Variants in PLG observed in about 807,000 individuals in gnomAD.
PLG encodes plasmin.
PLG carries 41 observed loss-of-function variants against 104.4 expected under a neutral mutation model. The ratio of observed to expected loss-of-function variants is 0.39; its 90% CI spans 0.31 to 0.51. PLG has a LOEUF of 0.51. PLG is among the 20% of genes least tolerant of loss of function. PLG has a pLI of 0.76. For missense variants in PLG, 891 were observed against 1,003.6 expected (o/e 0.89, Z 1.52); for synonymous variants, 337 against 357.1 (o/e 0.94, Z 0.63).
intron 9 of PLG, 69 bp downstream of exon 9, chr6:160,718,907 A>G: frequency 7.7e-7 from 1 of 1,295,496 alleles, no homozygotes; most frequent in Non-Finnish European, 1.1e-6. Flanking sequence ...CAGTGGCATC[A>G]TCACAATATA....
At position 160,724,379 on chromosome 6, in the gene PLG, A is replaced by G. The variant is rs898428585; in HGVS notation, c.1256+1812A>G. Among the ~76,000 whole-genome samples, 7 of 152,182 alleles carry G rather than the reference A, an allele frequency of 4.6e-5. No individual in the cohort carries two copies. Among genetic ancestry groups the G allele is most frequent in the Non-Finnish European group, 1.0e-4 (7 of 68,024 alleles). On this transcript the variant is annotated intron_variant, in intron 10 of 18. Transcript: ENST00000308192. This position sits in a 1 kb window ranked among gnomAD's most constrained non-coding sequence, Gnocchi z 5.0. ...GTTAGACATTACAGAAGAAAAAGTTAACTAGAAAATAATTCAATAGAAGTG... is the reference window on the plus strand; with the variant it reads ...GTTAGACATTACAGAAGAAAAAGTTGACTAGAAAATAATTCAATAGAAGTG...
rs371083243 is a variant in PLG, at chr6:160,707,691, G to T, written c.186-9G>T. The T allele has an allele frequency of 1.4e-5, 22 of 1,597,590 alleles. No homozygotes were observed. The East Asian group carries it at 4.9e-4, about 36-fold the overall frequency. ...AAATACTTATTGGATTTCCTGCTTCGTTCTGCAGGGCATTCCAATATCACA... is the reference window on the plus strand; with the variant it reads ...AAATACTTATTGGATTTCCTGCTTCTTTCTGCAGGGCATTCCAATATCACA... On this transcript the variant is annotated splice_polypyrimidine_tract_variant and intron_variant, in intron 2 of 18. Coordinates refer to ENST00000308192, the MANE Select transcript of PLG (RefSeq NM_000301.5).
At chr6:160,748,378 A>AGAGAGAGAGAGAG (rs1562383356) in intron 17 of PLG, among the ~76,000 whole-genome samples, 3 of 41,794 alleles carry the variant, frequency 7.2e-5, no homozygotes, top group African/African-American at 2.4e-4. Flanking sequence ...GAAAGAAAGA[A>AGAGAGAGAGAGAG]AGAAAGAAAG....
At chr6:160,748,413 A>G (rs1202748177) in intron 17 of PLG, among the ~76,000 whole-genome samples, 1 of 73,042 alleles carries the variant, frequency 1.4e-5, no homozygotes, top group African/African-American at 5.1e-5. Flanking sequence ...AGAAAGAAAG[A>G]AAGGGAAAGA....
chr6:160,704,853 A>G (rs1372262868), intron 1 of PLG, among the ~76,000 whole-genome samples: 1 of 152,172 alleles, frequency 6.6e-6, no homozygotes, highest in Non-Finnish European at 1.5e-5. Context: ...GTGTACCCTC[A>G]GGAGGTCAGG....
rs1777795492 is a variant in PLG at position 160,719,435 on chromosome 6, A to G, written c.1096+597A>G. Among the ~76,000 whole-genome samples, 1 of 152,090 alleles carries G rather than the reference A, an allele frequency of 6.6e-6. No homozygotes were observed. Among genetic ancestry groups the G allele is most frequent in the Non-Finnish European group, 1.5e-5 (1 of 68,002 alleles). ...CTCTATTTTCACTAGTATTTGTGTG[A>G]TATATCTTTTAAATTTGTATGATAT... is the stretch of plus-strand genomic sequence containing the variant. On this transcript the variant is annotated intron_variant, in intron 9 of 18. Transcript: ENST00000308192. The surrounding 1 kb of genome is among the most constrained non-coding windows in gnomAD (Gnocchi z 4.1).
rs1029315835 is a variant in PLG at position 160,723,669 on chromosome 6, A to C, written c.1256+1102A>C. Among the ~76,000 whole-genome samples the C allele has an allele frequency of 1.3e-5, 2 of 152,216 alleles. No individual in the cohort carries two copies. The highest frequency in any genetic ancestry group is 4.8e-5 in the African/African-American group (2 of 41,460). The stretch of plus-strand genomic sequence containing the variant: ...AGAAAAGTCCTCAAGTCTTTGGCTA[A>C]ATAGAAAGCTGCATATGCACAGGGA... On this transcript the variant is annotated intron_variant, in intron 10 of 18. Coordinates refer to ENST00000308192, the MANE Select transcript of PLG (RefSeq NM_000301.5). The surrounding 1 kb of genome is among the most constrained non-coding windows in gnomAD (Gnocchi z 4.7).
Position 160,714,677 on chromosome 6 carries a change from T to A in PLG, c.548-117T>A. On this transcript the variant is annotated intron_variant, in intron 5 of 18. Coordinates refer to ENST00000308192, the MANE Select transcript of PLG (RefSeq NM_000301.5). The stretch of plus-strand genomic sequence containing the variant: ...TGCCAAGTGCCTGTTGTGAATTACA[T>A]CGGAATGAGAGGCAAGTCGCACTTA... The A allele has an allele frequency of 3.2e-6, 3 of 930,706 alleles. No individual in the cohort carries two copies. In the South Asian group the frequency reaches 4.4e-5, roughly 14 times the overall value. 57.7% of individuals were successfully genotyped at this position (930,706 alleles called of 1,614,324 possible). A position where few individuals can be genotyped will look rare whatever the true frequency, so the allele number is the denominator to read the frequency against.
chr6:160,741,541 AT>A lies in PLG; in HGVS notation c.2125+128del, dbSNP rs1446120214. 1 of 739,418 alleles carries A rather than the reference AT, an allele frequency of 1.4e-6. No homozygotes were observed. The highest frequency in any genetic ancestry group is 2.4e-6 in the Non-Finnish European group (1 of 409,154). 45.8% of individuals were successfully genotyped at this position (739,418 alleles called of 1,614,324 possible). A position where few individuals can be genotyped will look rare whatever the true frequency, so the allele number is the denominator to read the frequency against. On this transcript the variant is annotated intron_variant, in intron 17 of 18. Transcript: ENST00000308192. This position sits in a 1 kb window ranked among gnomAD's most constrained non-coding sequence, Gnocchi z 4.7. ...ATGAATGTGGTCCACCCCACTCCTG[AT>A]TTTGCCTGGGCACCTGTCTATGTCT... is the stretch of plus-strand genomic sequence containing the variant.
At chr6:160,718,561 A>C in intron 8 of PLG, 105 bp downstream of exon 8, 1 of 1,357,018 alleles carries the variant, frequency 7.4e-7, no homozygotes, top group Non-Finnish European at 1.1e-6. Context: ...ATTCTGGAAG[A>C]AAAACTGATC....
rs1778084560 is a variant in PLG at position 160,736,487 on chromosome 6, A to G, written c.1682-400A>G. On this transcript the variant is annotated intron_variant, in intron 13 of 18. Transcript: ENST00000308192. The surrounding 1 kb of genome is among the most constrained non-coding windows in gnomAD (Gnocchi z 5.2). ...AATTATGGTTTTCAGTAAACTTTAC[A>G]TGGTTTAGATGGTGATGGTGATGAT... Among the ~76,000 whole-genome samples, 1 of 152,196 alleles carries G rather than the reference A, an allele frequency of 6.6e-6. No individual in the cohort carries two copies. The highest frequency in any genetic ancestry group is 2.1e-4 in the South Asian group (1 of 4,822).
intron 10 of PLG, chr6:160,730,789 C>T (rs1262059867): frequency 8.2e-6 from 3 of 363,638 alleles, no homozygotes; most frequent in Non-Finnish European, 1.5e-5. Flanking sequence ...CTTTTATTTA[C>T]ATGTTTATGT....
At chr6:160,727,994 A>G (rs1259150879) in intron 10 of PLG, among the ~76,000 whole-genome samples, 1 of 152,002 alleles carries the variant, frequency 6.6e-6, no homozygotes, top group East Asian at 1.9e-4. Flanking sequence ...GAAAGGGCCT[A>G]AAGTTTGGAG....
At position 160,724,741 on chromosome 6, in the gene PLG, C is replaced by T. The variant is rs1777897478; in HGVS notation, c.1256+2174C>T. 6.6e-6 allele frequency among the ~76,000 whole-genome samples: 1 copy of T among 152,002 alleles called. No individual in the cohort carries two copies. Among genetic ancestry groups the T allele is most frequent in the Non-Finnish European group, 1.5e-5 (1 of 67,984 alleles). On this transcript the variant is annotated intron_variant, in intron 10 of 18. Coordinates refer to ENST00000308192, the MANE Select transcript of PLG (RefSeq NM_000301.5). This position sits in a 1 kb window ranked among gnomAD's most constrained non-coding sequence, Gnocchi z 5.0. ...AGAATGTTATATCCAGCAAAAATAT[C>T]CCTTGAAAGTGAATGTTATATAAAT...
rs1778072130 is a variant in PLG at position 160,735,434 on chromosome 6, A to G, written c.1681+1346A>G. Among the ~76,000 whole-genome samples, 1 of 152,234 alleles carries G rather than the reference A, an allele frequency of 6.6e-6. No individual in the cohort carries two copies. Among genetic ancestry groups the G allele is most frequent in the South Asian group, 2.1e-4 (1 of 4,836 alleles). On this transcript the variant is annotated intron_variant, in intron 13 of 18. Transcript: ENST00000308192. This position sits in a 1 kb window ranked among gnomAD's most constrained non-coding sequence, Gnocchi z 5.4. ...TCCTCACCCACATTGAGGATGTACA[A>G]GAATCAGGTTCTTAGAGATTGGAGA...
intron 4 of PLG, chr6:160,711,789 A>C: frequency 6.3e-7 from 1 of 1,575,962 alleles, no homozygotes; most frequent in African/African-American, 1.4e-5. Flanking sequence ...GACTGAAGTA[A>C]GCATATCAGG....
chr6:160,722,884 T>C (rs1777859604), intron 10 of PLG, among the ~76,000 whole-genome samples: 1 of 152,066 alleles, frequency 6.6e-6, no homozygotes, highest in African/African-American at 2.4e-5. Flanking sequence ...GCCCACTAAA[T>C]ATCAGTGCAA....
At chr6:160,745,548 A>G (rs527271621) in intron 17 of PLG, among the ~76,000 whole-genome samples, 2 of 152,170 alleles carry the variant, frequency 1.3e-5, no homozygotes, top group Non-Finnish European at 2.9e-5. Context: ...GTGTCATTAC[A>G]TGTGAGATGG....
intron 1 of PLG, among the ~76,000 whole-genome samples, chr6:160,704,363 A>G (rs181032316): frequency 3.3e-5 from 5 of 152,356 alleles, no homozygotes; most frequent in Admixed American, 2.0e-4. Flanking sequence ...TAACACAGAG[A>G]ACTTAATTGA....
Sources: gnomAD v4.1 joint callset for allele counts (sites outside exome capture counted in the v4.1 genomes callset) on GRCh38, gnomAD v4.1.1 for gene constraint, Gnocchi (gnomAD v3.1) non-coding constraint, MANE v1.5 for transcripts, NCBI Gene and HGNC (gene_info 2026-07-23, HGNC 2026-07-21) for gene names.